GPLD1: variants seen among roughly 807,000 people sequenced by gnomAD.
The protein encoded by GPLD1 is glycosylphosphatidylinositol specific phospholipase D1.
GPLD1 carries 84 observed loss-of-function variants against 112.6 expected under a neutral mutation model. That is an observed-to-expected ratio of 0.75 (90% CI 0.63 to 0.89). The LOEUF (loss-of-function observed/expected upper bound fraction) is 0.89, where lower values mean the gene tolerates loss of function less well. Among genes scored for constraint, GPLD1 ranks in the 40% least tolerant of loss-of-function variants. GPLD1 has a pLI of 0.00. For synonymous variants in GPLD1, 386 were observed against 403.8 expected (o/e 0.96, Z 0.53); for missense variants, 1,044 against 1,051.5 (o/e 0.99, Z 0.10).
intron 22 of GPLD1, among the ~76,000 whole-genome samples, chr6:24,434,924 C>T (rs1201818412): frequency 6.6e-6 from 1 of 151,998 alleles, no homozygotes; most frequent in Non-Finnish European, 1.5e-5. Context: ...CCTGCCTCAG[C>T]CTCCCAAAGT....
chr6:24,437,898 G>T (rs1363347339), intron 20 of GPLD1, among the ~76,000 whole-genome samples: 1 of 152,106 alleles, frequency 6.6e-6, no homozygotes, highest in African/African-American at 2.4e-5. Flanking sequence ...TCCTAATCTC[G>T]CTGGTCTAGA....
In GPLD1 at chr6:24,446,990, C is replaced by G. The variant is rs759605647; in HGVS notation, c.1679-11G>C. ...CCACGTTCAGTTTTTCTAAAGAAGACAACTCATCCTTTTTACTAATACTTT... is the reference window on the plus strand; with the variant it reads ...CCACGTTCAGTTTTTCTAAAGAAGAGAACTCATCCTTTTTACTAATACTTT... On this transcript the variant is annotated splice_polypyrimidine_tract_variant and intron_variant, in intron 17 of 24. Coordinates refer to ENST00000230036, the MANE Select transcript of GPLD1 (RefSeq NM_001503.4). 6.2e-7 allele frequency: 1 copy of G among 1,611,054 alleles called. No individual in the cohort carries two copies. Among genetic ancestry groups the G allele is most frequent in the African/African-American group, 1.3e-5 (1 of 74,910 alleles).
In GPLD1 at chr6:24,428,691, G is replaced by T; in HGVS notation, c.*341C>A. ...TTCCAGCCATTGGAAAGACATTCAAGAGGAAGAGGAAATAGGTTGTACAGC... is the reference window on the plus strand; with the variant it reads ...TTCCAGCCATTGGAAAGACATTCAATAGGAAGAGGAAATAGGTTGTACAGC... On this transcript the variant is annotated 3_prime_UTR_variant, in exon 25 of 25. Transcript: ENST00000230036. 1 of 185,670 alleles carries T rather than the reference G, an allele frequency of 5.4e-6. No homozygotes were observed. Among genetic ancestry groups the T allele is most frequent in the Non-Finnish European group, 1.1e-5 (1 of 90,346 alleles). The allele number at this position is 185,670 out of a possible 1,614,324, so 11.5% of individuals were successfully genotyped here. A position where few individuals can be genotyped will look rare whatever the true frequency, so the allele number is the denominator to read the frequency against.
chr6:24,425,504 T>C (rs1762203552), downstream of GPLD1: 1 of 152,244 alleles, frequency 6.6e-6, no homozygotes, highest in African/African-American at 2.4e-5. Context: ...GATTTCAAAA[T>C]ATCAACTAGT....
At chr6:24,457,013 G>A (rs140794527) in intron 12 of GPLD1, among the ~76,000 whole-genome samples, 2 of 152,312 alleles carry the variant, frequency 1.3e-5, no homozygotes, top group Non-Finnish European at 2.9e-5. Context: ...TGGGATTACA[G>A]GTGCTCGCCA....
intron 2 of GPLD1, among the ~76,000 whole-genome samples, chr6:24,482,797 A>G (rs1258853361): frequency 2.6e-5 from 4 of 152,102 alleles, no homozygotes; most frequent in African/African-American, 7.2e-5. Context: ...TGTTTCTACA[A>G]AAAATTTAAA....
intron 7 of GPLD1, among the ~76,000 whole-genome samples, chr6:24,468,305 T>C (rs115534402): frequency 0.018 from 2,739 of 152,318 alleles, 56 homozygotes; most frequent in African/African-American, 0.052. Context: ...AAAGGACAGA[T>C]AGAACTCAAA....
chr6:24,445,502 C>A (rs920068946), intron 20 of GPLD1, 44 bp downstream of exon 20: 2 of 1,284,640 alleles, frequency 1.6e-6, no homozygotes, highest in Non-Finnish European at 2.3e-6. Context: ...GTACAAGCAG[C>A]CACATGACTG....
At chr6:24,472,847 C>T (rs2127359857) in intron 6 of GPLD1, among the ~76,000 whole-genome samples, 1 of 151,528 alleles carries the variant, frequency 6.6e-6, no homozygotes, top group South Asian at 2.1e-4. Flanking sequence ...GTGATCTCGG[C>T]TCACTGAAAC....
At chr6:24,443,740 G>A (rs1295884052) in intron 20 of GPLD1, among the ~76,000 whole-genome samples, 1 of 151,984 alleles carries the variant, frequency 6.6e-6, no homozygotes, top group Non-Finnish European at 1.5e-5. Flanking sequence ...GTGTCATCTT[G>A]GCTCAGTGCA....
At chr6:24,472,775 C>A (rs1354592534) in intron 6 of GPLD1, 139 bp from the exon 7 acceptor site, 10 of 599,690 alleles carry the variant, frequency 1.7e-5, no homozygotes, top group Admixed American at 5.7e-5. Context: ...TAGGTAAAGG[C>A]ATGCCTTTTT....
At position 24,446,839 on chromosome 6, in the gene GPLD1, T is replaced by G. The variant is rs956342458; in HGVS notation, c.1819A>C (p.Arg607=). ...CCCAGCCCCCAGCATCAGCCTCACC[T>G]GCTGGCATTCTTCCAGGTCGGGCTC... ...VGSPTWKNAS[R]LGHLLHIRDE... is the part of the protein sequence containing the mutation. Residue 607 remains arginine, a splice_region_variant and synonymous_variant, in exon 18 of 25, where the codon AGG becomes CGG. Transcript: ENST00000230036. 1.1e-5 allele frequency: 17 copies of G among 1,613,346 alleles called. No homozygotes were observed. The highest frequency in any genetic ancestry group is 1.4e-5 in the Non-Finnish European group (17 of 1,179,684).
At chr6:24,471,443 CCA>C (rs1463679319) in intron 7 of GPLD1, among the ~76,000 whole-genome samples, 2 of 151,992 alleles carry the variant, frequency 1.3e-5, no homozygotes, top group Non-Finnish European at 2.9e-5. Flanking sequence ...CCAGCCCGAG[CCA>C]CAGAGTTAGA....
chr6:24,432,347 C>T (rs78617092), intron 24 of GPLD1, among the ~76,000 whole-genome samples: 17,480 of 151,770 alleles, frequency 0.12, 1,302 homozygotes, highest in East Asian at 0.16. Context: ...CTTATAATCC[C>T]AGCACTTTGG....
At chr6:24,435,197 G>A (rs1188038614) in intron 22 of GPLD1, among the ~76,000 whole-genome samples, 1 of 151,528 alleles carries the variant, frequency 6.6e-6, no homozygotes, top group East Asian at 2.0e-4. Flanking sequence ...ATCTTTAGTA[G>A]GGACAGGGTT....
intron 2 of GPLD1, 129 bp downstream of exon 2, chr6:24,485,946 G>A (rs527794116): frequency 4.9e-6 from 3 of 617,866 alleles, no homozygotes; most frequent in Non-Finnish European, 8.7e-6. Context: ...TGGGATTACA[G>A]GCATGAGCCA....
rs567752370 is a variant in GPLD1 at position 24,488,419 on chromosome 6, A to G, written c.97+996T>C. ...AGAGCGAGACTCCGTCTCAAAAAAA[A>G]AAAAAAGAAAACTCAGAACATCAGG... On this transcript the variant is annotated intron_variant, in intron 1 of 24. Transcript: ENST00000230036. 1.4e-4 allele frequency among the ~76,000 whole-genome samples: 21 copies of G among 152,306 alleles called. No homozygotes were observed. The East Asian group carries it at 4.0e-3, about 29-fold the overall frequency.
chr6:24,463,809 TG>T (rs1368580128), intron 10 of GPLD1, among the ~76,000 whole-genome samples: 1 of 152,254 alleles, frequency 6.6e-6, no homozygotes, highest in Non-Finnish European at 1.5e-5. Flanking sequence ...TTTTTTGTGT[TG>T]TCTCTTTTTG....
At chr6:24,459,967 T>C (rs1366079361) in intron 12 of GPLD1, among the ~76,000 whole-genome samples, 2 of 152,180 alleles carry the variant, frequency 1.3e-5, no homozygotes, top group African/African-American at 4.8e-5. Context: ...GGCATGATCA[T>C]AGCTCACTGT....
Sources: gnomAD v4.1 joint callset for allele counts (sites outside exome capture counted in the v4.1 genomes callset) on GRCh38, gnomAD v4.1.1 for gene constraint, MANE v1.5 for transcripts, NCBI Gene and HGNC (gene_info 2026-07-23, HGNC 2026-07-21) for gene names.